The following CRB1 variants were observed in gnomAD, a reference collection of about 807,000 sequenced individuals.
The protein encoded by CRB1 is protein crumbs homolog 1.
A neutral mutation model predicts 120.0 loss-of-function variants in CRB1; 83 were observed. The observed-to-expected ratio is 0.69, with a 90% CI of 0.58 to 0.83. The LOEUF (loss-of-function observed/expected upper bound fraction) is 0.83, where lower values mean the gene tolerates loss of function less well. Ranked by LOEUF, CRB1 falls within the 40% of genes least tolerant of loss-of-function variation. The pLI is 0.00. For synonymous variants in CRB1, 625 were observed against 612.5 expected, an observed-to-expected ratio of 1.02 and a Z score of -0.30; for missense variants, 1,699 against 1,687.6, an observed-to-expected ratio of 1.01 and a Z score of -0.12.
chr1:197,313,026 C>T (rs1167087147), intron 1 of CRB1, among the ~76,000 whole-genome samples: 1 of 152,178 alleles, frequency 6.6e-6, no homozygotes, highest in East Asian at 1.9e-4. Context: ...TTGATTGACT[C>T]ACAGTTCTTC....
chr1:197,429,480 A>G lies in CRB1; in HGVS notation c.2708A>G (p.His903Arg). The G allele has an allele frequency of 3.1e-6, 5 of 1,613,788 alleles. No homozygotes were observed. Among genetic ancestry groups the G allele is most frequent in the African/African-American group, 1.3e-5 (1 of 74,942 alleles). The change falls in exon 8 of 12, where the codon CAT becomes CGT. Residue 903 changes from histidine (H) to arginine (R), a missense_variant. Coordinates refer to ENST00000367400, the MANE Select transcript of CRB1 (RefSeq NM_201253.3). Reference sequence around the variant, plus strand: ...CCCTGTCACAATGGAGGTGTTTGCCATTCCCGGTGGGATGACTTCTCCTGT... The same window carrying G: ...CCCTGTCACAATGGAGGTGTTTGCCGTTCCCGGTGGGATGACTTCTCCTGT... ...SNPCHNGGVC[H>R]SRWDDFSCSC...
chr1:197,385,279 G>A (rs924354589), intron 5 of CRB1, among the ~76,000 whole-genome samples: 2 of 152,228 alleles, frequency 1.3e-5, no homozygotes, highest in Non-Finnish European at 1.5e-5. Flanking sequence ...TTCTTAAAAA[G>A]TAGTTGAGAA....
intron 5 of CRB1, among the ~76,000 whole-genome samples, chr1:197,399,383 A>G (rs1662943768): frequency 6.6e-6 from 1 of 152,184 alleles, no homozygotes; most frequent in African/African-American, 2.4e-5. Flanking sequence ...ATAGTCAAAT[A>G]GGGTTGCAGC....
At chr1:197,412,539 C>T (rs1429428194) in intron 5 of CRB1, among the ~76,000 whole-genome samples, 1 of 152,162 alleles carries the variant, frequency 6.6e-6, no homozygotes, top group African/African-American at 2.4e-5. Flanking sequence ...TCCCTGAGGG[C>T]TATTAGAAAT....
chr1:197,268,368 C>G lies in CRB1; in HGVS notation c.-45C>G. On this transcript the variant is annotated 5_prime_UTR_variant, in exon 1 of 12. Transcript: ENST00000367400. ...ACAGGGATCAGGAGCCGGACTGGGA[C>G]CAGACCACCAGCAACACACCAGAGG... 6.9e-7 allele frequency: 1 copy of G among 1,452,032 alleles called. No homozygotes were observed. The highest frequency in any genetic ancestry group is 9.7e-7 in the Non-Finnish European group (1 of 1,032,658). 89.9% of individuals were successfully genotyped at this position (1,452,032 alleles called of 1,614,324 possible).
At chr1:197,261,717 C>T in the CRB1 span, among the ~76,000 whole-genome samples, 2 of 151,988 alleles carry the variant, frequency 1.3e-5, no homozygotes, top group Admixed American at 6.6e-5. Flanking sequence ...TGGGATTTTT[C>T]ACAATAATAC....
At chr1:197,434,357 C>G (rs1206180380) in intron 8 of CRB1, among the ~76,000 whole-genome samples, 1 of 152,088 alleles carries the variant, frequency 6.6e-6, no homozygotes, top group African/African-American at 2.4e-5. Flanking sequence ...TAAAAATTGG[C>G]ATGCATTAGG....
intron 1 of CRB1, among the ~76,000 whole-genome samples, chr1:197,291,209 A>C (rs1440759917): frequency 1.3e-5 from 2 of 151,838 alleles, no homozygotes; most frequent in Non-Finnish European, 2.9e-5. Flanking sequence ...GTCTTTAAAA[A>C]CTTCATTTAA....
At chr1:197,357,037 G>A (rs1660521314) in intron 5 of CRB1, 24 bp downstream of exon 5, 3 of 1,612,468 alleles carry the variant, frequency 1.9e-6, no homozygotes, top group Non-Finnish European at 2.5e-6. Context: ...GATGGGATAT[G>A]ACTTGACTTT....
chr1:197,339,725 A>G (rs549159931), intron 2 of CRB1, among the ~76,000 whole-genome samples: 92 of 152,336 alleles, frequency 6.0e-4, no homozygotes, highest in African/African-American at 2.2e-3. Context: ...GAATCTTAAC[A>G]TGGATCTCTA....
At chr1:197,343,350 A>G (rs1659579205) in intron 2 of CRB1, among the ~76,000 whole-genome samples, 1 of 152,304 alleles carries the variant, frequency 6.6e-6, no homozygotes, top group East Asian at 1.9e-4. Flanking sequence ...AAATGCAATT[A>G]TTGCATATCA....
In CRB1 at chr1:197,435,235, A is replaced by G. The variant is rs376135634; in HGVS notation, c.3372A>G (p.Gln1124=). 1.3e-5 allele frequency: 21 copies of G among 1,613,726 alleles called. No individual in the cohort carries two copies. The Admixed American group carries it at 2.8e-4, about 22-fold the overall frequency. The change falls in exon 9 of 12, where the codon CAA becomes CAG. Residue 1124 remains glutamine, a synonymous_variant. Transcript: ENST00000367400. ...TCATTAATAAACCTCAGGAAGAGCA[A>G]TTTCTCAAAATCTCTACCAATTCAG... ...HGFINKPQEE[Q]FLKISTNSVV...
the CRB1 span, among the ~76,000 whole-genome samples, chr1:197,247,921 G>A: frequency 6.6e-6 from 1 of 151,712 alleles, no homozygotes. Context: ...TAGGTGCTTT[G>A]GTCAATATTA....
the CRB1 span, among the ~76,000 whole-genome samples, chr1:197,254,065 C>G: frequency 6.6e-6 from 1 of 152,056 alleles, no homozygotes; most frequent in East Asian, 1.9e-4. Flanking sequence ...CCTCATCCTC[C>G]TAATTCATAC....
the CRB1 span, among the ~76,000 whole-genome samples, chr1:197,238,711 G>A: frequency 1.3e-5 from 2 of 152,070 alleles, no homozygotes; most frequent in African/African-American, 4.8e-5. Flanking sequence ...CAGCATGGTG[G>A]AGCATGCCTA....
At chr1:197,259,935 A>G in the CRB1 span, among the ~76,000 whole-genome samples, 1,883 of 151,618 alleles carry the variant, frequency 0.012, 44 homozygotes, top group African/African-American at 0.043. Context: ...GGATCGCCTG[A>G]GCCCAGAAGT....
the CRB1 span, among the ~76,000 whole-genome samples, chr1:197,246,396 T>C: frequency 2.0e-5 from 3 of 152,032 alleles, no homozygotes; most frequent in African/African-American, 7.2e-5. Flanking sequence ...TCACTGGCAT[T>C]TCTGGGTTGC....
chr1:197,446,366 A>T (rs1183526524), intron 11 of CRB1, among the ~76,000 whole-genome samples: 1 of 152,044 alleles, frequency 6.6e-6, no homozygotes, highest in Non-Finnish European at 1.5e-5. Context: ...TAGGCTGTGG[A>T]AGAAGCAATG....
intron 5 of CRB1, 75 bp downstream of exon 5, chr1:197,357,088 T>A: frequency 6.9e-7 from 1 of 1,450,424 alleles, no homozygotes; most frequent in South Asian, 1.1e-5. Context: ...CCAAATGGTG[T>A]ATTAGCAGGA....
Sources: allele counts gnomAD v4.1 joint callset (sites outside exome capture counted in the v4.1 genomes callset), GRCh38; gene constraint gnomAD v4.1.1; transcripts MANE v1.5; gene names NCBI Gene and HGNC (gene_info 2026-07-23, HGNC 2026-07-21).